Variants in SATL1 observed in about 807,000 individuals in gnomAD.
SATL1 encodes spermidine/spermine N1-acetyl transferase like 1, also known as spermidine/spermine N(1)-acetyltransferase-like protein 1.
A neutral mutation model predicts 51.8 loss-of-function variants in SATL1; 47 were observed. The ratio of observed to expected loss-of-function variants is 0.91; its 90% CI spans 0.72 to 1.16. The LOEUF is 1.16. SATL1 is among the 50% of genes most tolerant of loss of function. The pLI is 0.00. For synonymous variants in SATL1, 176 were observed against 182.4 expected, an observed-to-expected ratio of 0.97 and a Z score of 0.28; for missense variants, 520 against 526.4, an observed-to-expected ratio of 0.99 and a Z score of 0.12.
At chrX:85,106,711 A>G (rs191349965) in intron 3 of SATL1, among the ~76,000 whole-genome samples, 1 of 112,155 alleles carries the variant, frequency 8.9e-6, no homozygotes, top group East Asian at 2.8e-4. Flanking sequence ...GGGAGCCATT[A>G]AAATAAACAT....
rs73511688 is a variant in SATL1, at chrX:85,220,522, G to C, written c.-313+3683C>G. Among the ~76,000 whole-genome samples, 642 of 106,494 alleles carry C rather than the reference G, an allele frequency of 6.0e-3. 8 individuals are homozygous for C. Among genetic ancestry groups the C allele is most frequent in the African/African-American group, 0.02 (597 of 29,292 alleles). 92.5% of individuals were successfully genotyped at this position (106,494 alleles called of 115,157 possible). The stretch of plus-strand genomic sequence containing the variant: ...TTCTTCCTCTTGAGGTGAAGAGAGG[G>C]AAGAATGTAGAGGACTTTGTCTTGC... On this transcript the variant is annotated intron_variant, in intron 2 of 7. Coordinates refer to ENST00000644105, the MANE Select transcript of SATL1 (RefSeq NM_001367857.2).
intron 2 of SATL1, 31 bp downstream of exon 2, chrX:85,224,174 C>T (rs1174699157): frequency 1.8e-5 from 2 of 111,539 alleles, no homozygotes; most frequent in Non-Finnish European, 3.8e-5. Flanking sequence ...ACGCTCCCTC[C>T]AGAGGCTCTA....
intron 2 of SATL1, among the ~76,000 whole-genome samples, chrX:85,132,323 AT>A (rs905589541): frequency 2.7e-5 from 3 of 110,775 alleles, no homozygotes; most frequent in African/African-American, 9.9e-5. Flanking sequence ...ATAGTCCCAT[AT>A]TTTTTGGAGG....
At chrX:85,205,643 A>G (rs1034645251) in intron 2 of SATL1, among the ~76,000 whole-genome samples, 1 of 112,261 alleles carries the variant, frequency 8.9e-6, no homozygotes, top group Non-Finnish European at 1.9e-5. Flanking sequence ...GTTTTCAAAG[A>G]AAGAAATTCA....
intron 2 of SATL1, among the ~76,000 whole-genome samples, chrX:85,182,300 G>T (rs987058169): frequency 3.6e-5 from 4 of 110,562 alleles, no homozygotes; most frequent in Non-Finnish European, 7.6e-5. Context: ...CTTTTATGAG[G>T]TCACCTTACT....
Position 85,151,240 on chromosome X carries a change from C to T in SATL1, c.-312-41960G>A, listed in dbSNP as rs1345853347. On this transcript the variant is annotated intron_variant, in intron 2 of 7. Transcript: ENST00000644105. The stretch of plus-strand genomic sequence containing the variant: ...AATTGCTTCAAAGAGAATAAAATAC[C>T]TAGGAATCCAACTTACAAGGGATGT... Among the ~76,000 whole-genome samples, 6 of 110,178 alleles carry T rather than the reference C, an allele frequency of 5.4e-5. No homozygotes were observed. In the Admixed American group the frequency reaches 5.8e-4, roughly 11 times the overall value.
chrX:85,167,712 A>G (rs1045113648), intron 2 of SATL1, among the ~76,000 whole-genome samples: 3 of 111,358 alleles, frequency 2.7e-5, no homozygotes, highest in African/African-American at 9.8e-5. Flanking sequence ...TACCAGATGT[A>G]CAAAGAAGAG....
At chrX:85,125,966 A>G (rs1241943552) in intron 2 of SATL1, among the ~76,000 whole-genome samples, 1 of 110,434 alleles carries the variant, frequency 9.1e-6, no homozygotes, top group African/African-American at 3.3e-5. Context: ...ATCCTATGTT[A>G]CCCTTGATCC....
At chrX:85,237,483 A>T (rs1246090697) in intron 1 of SATL1, among the ~76,000 whole-genome samples, 2 of 111,796 alleles carry the variant, frequency 1.8e-5, no homozygotes, top group Non-Finnish European at 3.8e-5. Flanking sequence ...TCTCTTCAAT[A>T]AATGGTGCTG....
At chrX:85,175,813 G>A (rs1299012403) in intron 2 of SATL1, among the ~76,000 whole-genome samples, 2 of 110,944 alleles carry the variant, frequency 1.8e-5, no homozygotes, top group Admixed American at 9.7e-5. Context: ...AGGCAACCTG[G>A]TAAAGAAGGA....
Position 85,107,871 on chromosome X carries a change from C to G in SATL1, c.1098G>C (p.Thr366=), listed in dbSNP as rs777567135. 64 of 1,211,303 alleles carry G rather than the reference C, an allele frequency of 5.3e-5. No individual in the cohort carries two copies. The highest frequency in any genetic ancestry group is 6.9e-5 in the Non-Finnish European group (62 of 895,504). ...PSQSGPRQSS[T]SQAGTNQSGI... ...CTGATTGGTTTGTGCCTGCTTGGCT[C>G]GTGCTTGATTGTCTGGGGCCTGATT... The change falls in exon 3 of 8, where the codon ACG becomes ACC. Residue 366 remains threonine, a synonymous_variant. Transcript: ENST00000644105.
intron 3 of SATL1, among the ~76,000 whole-genome samples, 176 bp downstream of exon 3, chrX:85,107,152 T>G (rs925876244): frequency 8.9e-6 from 1 of 111,841 alleles, no homozygotes; most frequent in Non-Finnish European, 1.9e-5. Flanking sequence ...TTGAGATATA[T>G]ATTGTTATAA....
Position 85,092,398 on chromosome X carries a change from TC to T in SATL1, c.2080del (p.Glu694LysfsTer18). 8.6e-7 allele frequency: 1 copy of T among 1,167,507 alleles called. No individual in the cohort carries two copies. Among genetic ancestry groups the T allele is most frequent in the South Asian group, 1.9e-5 (1 of 51,959 alleles). On this transcript the variant is annotated frameshift_variant, in exon 8 of 8. Transcript: ENST00000644105. LOFTEE classifies it high-confidence loss of function. ...NREELLDMAW[E>X]E The stretch of plus-strand genomic sequence containing the variant: ...GTTGTTACAAAGCCTCTTTCATTCT[TC>T]CCATGCCATGTCCAGGAGTTCTTCT...
chrX:85,149,285 C>T (rs1384236129), intron 2 of SATL1, among the ~76,000 whole-genome samples: 96 of 111,340 alleles, frequency 8.6e-4, no homozygotes, highest in African/African-American at 3.0e-3. Context: ...TATATATGCA[C>T]CCAATACAGG....
intron 2 of SATL1, among the ~76,000 whole-genome samples, chrX:85,223,885 G>A (rs1051136431): frequency 9.0e-6 from 1 of 110,963 alleles, no homozygotes; most frequent in Non-Finnish European, 1.9e-5. Context: ...ATGGACTAGG[G>A]GAGCAGGGAA....
chrX:85,163,587 A>G (rs1219508920), intron 2 of SATL1, among the ~76,000 whole-genome samples: 2 of 111,097 alleles, frequency 1.8e-5, no homozygotes, highest in East Asian at 5.6e-4. Flanking sequence ...GTTTCTTTGG[A>G]GTTAACTTCC....
chrX:85,193,413 G>T (rs754335193), intron 2 of SATL1, among the ~76,000 whole-genome samples: 4 of 111,866 alleles, frequency 3.6e-5, no homozygotes, highest in Admixed American at 2.9e-4. Context: ...AGTCTGAAAA[G>T]CCATTAAAGT....
intron 2 of SATL1, among the ~76,000 whole-genome samples, chrX:85,137,179 C>T (rs1228184687): frequency 9.0e-6 from 1 of 111,122 alleles, no homozygotes; most frequent in East Asian, 2.8e-4. Context: ...TAAGGATGAA[C>T]GCCAATGCAG....
chrX:85,178,651 A>G (rs778680502), intron 2 of SATL1, among the ~76,000 whole-genome samples: 1 of 110,316 alleles, frequency 9.1e-6, no homozygotes, highest in Admixed American at 9.7e-5. Flanking sequence ...AACAAACAAA[A>G]AAAAACAAAA....
Sources: allele counts gnomAD v4.1 joint callset (sites outside exome capture counted in the v4.1 genomes callset), GRCh38; gene constraint gnomAD v4.1.1; transcripts MANE v1.5; gene names NCBI Gene and HGNC (gene_info 2026-07-23, HGNC 2026-07-21).